Variants in COL26A1 observed in about 807,000 individuals in gnomAD.
COL26A1 encodes collagen type XXVI alpha 1 chain, also known as collagen alpha-1(XXVI) chain.
COL26A1 carries 41 observed loss-of-function variants against 59.3 expected under a neutral mutation model. The ratio of observed to expected loss-of-function variants is 0.69; its 90% CI spans 0.54 to 0.90. The LOEUF is 0.90. Among genes scored for constraint, COL26A1 ranks in the 40% least tolerant of loss-of-function variants. COL26A1 has a pLI of 0.00. For synonymous variants in COL26A1, 266 were observed against 256.0 expected (o/e 1.04, Z -0.37); for missense variants, 612 against 602.3 (o/e 1.02, Z -0.17).
At chr7:101,439,553 G>GGAAAAAAAA (rs1554411065) in intron 2 of COL26A1, among the ~76,000 whole-genome samples, 2 of 81,936 alleles carry the variant, frequency 2.4e-5, no homozygotes, top group African/African-American at 4.4e-5. Context: ...GACTCCGTCT[G>GGAAAAAAAA]AAAAAAAAAA....
At chr7:101,423,733 G>A (rs750435980) in intron 2 of COL26A1, among the ~76,000 whole-genome samples, 18 of 148,610 alleles carry the variant, frequency 1.2e-4, no homozygotes, top group Admixed American at 6.7e-5. Flanking sequence ...AGACTCCGTC[G>A]CAAAAAAAAA....
chr7:101,445,417 G>A (rs767477353), intron 2 of COL26A1, among the ~76,000 whole-genome samples: 11 of 151,962 alleles, frequency 7.2e-5, no homozygotes, highest in Non-Finnish European at 1.3e-4. Context: ...TTCATTCACG[G>A]CTGAAGGCAA....
chr7:101,547,114 G>T (rs1225818841), intron 7 of COL26A1, 42 bp from the exon 8 acceptor site: 2 of 1,447,376 alleles, frequency 1.4e-6, no homozygotes, highest in East Asian at 2.5e-5. Context: ...GCACTGCCAG[G>T]TCTGCCCCAC....
intron 1 of COL26A1, among the ~76,000 whole-genome samples, chr7:101,376,240 C>T (rs916778389): frequency 4.0e-5 from 6 of 151,870 alleles, no homozygotes; most frequent in African/African-American, 1.2e-4. Context: ...TCACTTGAGC[C>T]GAGGAGGTGG....
chr7:101,423,070 G>A lies in COL26A1; in HGVS notation c.281+2971G>A, dbSNP rs184440172. ...ACCTGAGGTCAGGAGTTTGAGACCAGTTTGGCCAACATGGAGAAACCCTGT... is the reference window on the plus strand; with the variant it reads ...ACCTGAGGTCAGGAGTTTGAGACCAATTTGGCCAACATGGAGAAACCCTGT... On this transcript the variant is annotated intron_variant, in intron 2 of 12. Transcript: ENST00000313669. Among the ~76,000 whole-genome samples, 6 of 152,210 alleles carry A rather than the reference G, an allele frequency of 3.9e-5. No homozygotes were observed. The East Asian group carries it at 1.2e-3, about 29-fold the overall frequency.
chr7:101,553,063 C>A, intron 10 of COL26A1: 5 of 343,120 alleles, frequency 1.5e-5, no homozygotes, highest in Non-Finnish European at 2.7e-5. Context: ...TGAGTCTCTT[C>A]TGCCCCAGAA....
intron 2 of COL26A1, 52 bp downstream of exon 2, chr7:101,420,151 C>T: frequency 6.2e-7 from 1 of 1,601,070 alleles, no homozygotes; most frequent in Non-Finnish European, 8.5e-7. Flanking sequence ...TTCCCTCGGA[C>T]AAAACCAGTC....
intron 8 of COL26A1, among the ~76,000 whole-genome samples, chr7:101,548,811 G>C (rs1344182053): frequency 6.6e-6 from 1 of 152,126 alleles, no homozygotes; most frequent in Non-Finnish European, 1.5e-5. Flanking sequence ...AGAGGGATGG[G>C]TCCCAGGTCC....
chr7:101,407,547 C>T (rs368571960), intron 1 of COL26A1, among the ~76,000 whole-genome samples: 2 of 151,716 alleles, frequency 1.3e-5, no homozygotes, highest in African/African-American at 4.8e-5. Context: ...GATATCTCCT[C>T]CCGGGGCTCT....
chr7:101,411,408 T>C (rs1026839735), intron 1 of COL26A1, among the ~76,000 whole-genome samples: 2 of 151,506 alleles, frequency 1.3e-5, no homozygotes, highest in African/African-American at 2.4e-5. Context: ...TGGTGGTAGA[T>C]AGAGGAGACT....
upstream of COL26A1, chr7:101,362,867 G>T: frequency 1.6e-6 from 1 of 638,696 alleles, no homozygotes; most frequent in South Asian, 2.1e-5. Flanking sequence ...CCCCGGAGAG[G>T]CGTGGGCGCC....
intron 2 of COL26A1, among the ~76,000 whole-genome samples, chr7:101,421,538 G>A (rs1792520355): frequency 6.6e-6 from 1 of 152,036 alleles, no homozygotes; most frequent in Non-Finnish European, 1.5e-5. Flanking sequence ...AGCCAGGCGT[G>A]GTGGTGGGCG....
chr7:101,370,436 T>C (rs1237030993), intron 1 of COL26A1, among the ~76,000 whole-genome samples: 1 of 152,072 alleles, frequency 6.6e-6, no homozygotes, highest in Non-Finnish European at 1.5e-5. Context: ...AGTGGCACGA[T>C]CTTAGCTCAC....
chr7:101,473,608 C>CCACACACACACACACACA (rs150820078), intron 3 of COL26A1, among the ~76,000 whole-genome samples: 1 of 143,374 alleles, frequency 7.0e-6, no homozygotes, highest in Non-Finnish European at 1.5e-5. Flanking sequence ...CACCTTGTCT[C>CCACACACACACACACACA]CACACACACA....
chr7:101,380,714 C>G (rs975293671), intron 1 of COL26A1, among the ~76,000 whole-genome samples: 3 of 152,200 alleles, frequency 2.0e-5, no homozygotes. Flanking sequence ...CTAGGTAACT[C>G]CTGCCCAGAC....
At chr7:101,399,030 C>A (rs957890210) in intron 1 of COL26A1, among the ~76,000 whole-genome samples, 1 of 152,000 alleles carries the variant, frequency 6.6e-6, no homozygotes, top group Non-Finnish European at 1.5e-5. Context: ...AGACACTAGG[C>A]GTGGTGGCTC....
chr7:101,464,197 C>T (rs1190688393), intron 3 of COL26A1, among the ~76,000 whole-genome samples: 1 of 151,678 alleles, frequency 6.6e-6, no homozygotes, highest in East Asian at 1.9e-4. Flanking sequence ...AACTCCTGGC[C>T]TCAAGTGATC....
chr7:101,531,270 C>T (rs2130635832), intron 3 of COL26A1, among the ~76,000 whole-genome samples: 1 of 152,330 alleles, frequency 6.6e-6, no homozygotes, highest in East Asian at 1.9e-4. Context: ...CACACCCGGC[C>T]TACCTTTTTA....
intron 3 of COL26A1, among the ~76,000 whole-genome samples, chr7:101,499,879 TAA>T (rs35539371): frequency 1.8e-4 from 14 of 79,642 alleles, no homozygotes; most frequent in Admixed American, 5.6e-4. Context: ...GTCCCTGCCT[TAA>T]AAAAAAAAAA....
Sources: gnomAD v4.1 joint callset for allele counts (sites outside exome capture counted in the v4.1 genomes callset) on GRCh38, gnomAD v4.1.1 for gene constraint, MANE v1.5 for transcripts, NCBI Gene and HGNC (gene_info 2026-07-23, HGNC 2026-07-21) for gene names.